The following SNAP91 variants were observed in gnomAD, a reference collection of about 807,000 sequenced individuals.
The protein encoded by SNAP91 is clathrin coat assembly protein AP180.
In SNAP91, 27 loss-of-function variants were observed where a neutral mutation model predicts 100.3. That is an observed-to-expected ratio of 0.27 (90% CI 0.20 to 0.37). SNAP91 has a LOEUF of 0.37. Ranked by LOEUF, SNAP91 falls within the 10% of genes least tolerant of loss-of-function variation. The pLI, the probability that SNAP91 is intolerant of heterozygous loss-of-function variation, is 1.00. For missense variants in SNAP91, 986 were observed against 1,123.7 expected, an observed-to-expected ratio of 0.88 and a Z score of 1.75; for synonymous variants, 404 against 398.6, an observed-to-expected ratio of 1.01 and a Z score of -0.16.
At chr6:83,574,907 A>C in intron 26 of SNAP91, 103 bp downstream of exon 26, 1 of 695,136 alleles carries the variant, frequency 1.4e-6, no homozygotes, top group Non-Finnish European at 2.5e-6. Flanking sequence ...ATGCAGAGGA[A>C]TAAGTACACC....
rs1283044172 is a variant in SNAP91 at position 83,615,725 on chromosome 6, C to G, written c.879-863G>C. On this transcript the variant is annotated intron_variant, in intron 10 of 29. Transcript: ENST00000369694. Reference sequence around the variant, plus strand: ...CTTATCACTGCAAATTTAAAACACGCAATAATTTCTACACTAACTTGAAAA... The same window carrying G: ...CTTATCACTGCAAATTTAAAACACGGAATAATTTCTACACTAACTTGAAAA... Among the ~76,000 whole-genome samples, 4 of 152,024 alleles carry G rather than the reference C, an allele frequency of 2.6e-5. No homozygotes were observed. In the East Asian group the frequency reaches 7.7e-4, roughly 29 times the overall value.
At chr6:83,582,440 A>C (rs1457710793) in intron 22 of SNAP91, 84 bp from the exon 23 acceptor site, 2 of 1,382,020 alleles carry the variant, frequency 1.4e-6, no homozygotes, top group Non-Finnish European at 1.9e-6. Context: ...AAGTTATAGA[A>C]AACTGAAAAG....
intron 11 of SNAP91, among the ~76,000 whole-genome samples, chr6:83,611,655 T>C (rs1340793278): frequency 6.6e-6 from 1 of 152,004 alleles, no homozygotes; most frequent in Non-Finnish European, 1.5e-5. Flanking sequence ...TTTTGTCTTA[T>C]TGGATATAGC....
Position 83,680,826 on chromosome 6 carries a change from T to TTA in SNAP91, c.131-15246_131-15245insTA, listed in dbSNP as rs1736526985. ...AGACAATCAAAAGCATGTCCAGACA[T>TTA]TGTTGTAGACTGTTGAGAACTGTTT... On this transcript the variant is annotated intron_variant, in intron 2 of 29. Transcript: ENST00000369694. Among the ~76,000 whole-genome samples the TTA allele has an allele frequency of 2.0e-5, 3 of 152,254 alleles. No individual in the cohort carries two copies. The South Asian group carries it at 6.2e-4, about 32-fold the overall frequency.
chr6:83,677,194 A>C (rs1404331491), intron 2 of SNAP91, among the ~76,000 whole-genome samples: 1 of 152,166 alleles, frequency 6.6e-6, no homozygotes, highest in Admixed American at 6.6e-5. Flanking sequence ...TTTGAGACAC[A>C]TCCAAAGGGA....
intron 2 of SNAP91, among the ~76,000 whole-genome samples, chr6:83,672,161 G>A (rs760490734): frequency 6.6e-6 from 1 of 151,870 alleles, no homozygotes; most frequent in Non-Finnish European, 1.5e-5. Context: ...ATACCTTTAC[G>A]TGCTATTCTC....
At chr6:83,638,699 T>G (rs1035055549) in intron 8 of SNAP91, among the ~76,000 whole-genome samples, 1 of 152,184 alleles carries the variant, frequency 6.6e-6, no homozygotes, top group Non-Finnish European at 1.5e-5. Context: ...AAATGGATAA[T>G]TGTGTTCAAA....
rs185891114 is a variant in SNAP91, at chr6:83,596,437, G to A, written c.1325-1956C>T. 2.0e-4 allele frequency among the ~76,000 whole-genome samples: 30 copies of A among 152,248 alleles called. 1 individual carries two copies. The highest frequency in any genetic ancestry group is 7.2e-4 in the African/African-American group (30 of 41,536). On this transcript the variant is annotated intron_variant, in intron 16 of 29. Coordinates refer to ENST00000369694, the MANE Select transcript of SNAP91 (RefSeq NM_001242792.2). ...GGGAGGGCTGTAAATATTTTGCCATGAGTCAGGTCAGTTGTTTTATTTTTT... is the reference window on the plus strand; with the variant it reads ...GGGAGGGCTGTAAATATTTTGCCATAAGTCAGGTCAGTTGTTTTATTTTTT...
At chr6:83,576,758 G>A (rs11756746) in intron 24 of SNAP91, among the ~76,000 whole-genome samples, 31,313 of 152,106 alleles carry the variant, frequency 0.21, 3,476 homozygotes, top group South Asian at 0.27. Context: ...TGAGTACAAC[G>A]ATGTGCTGAG....
chr6:83,576,377 T>C (rs190349025), intron 24 of SNAP91, among the ~76,000 whole-genome samples: 87 of 152,304 alleles, frequency 5.7e-4, no homozygotes, highest in African/African-American at 2.0e-3. Context: ...TATACTAGGA[T>C]AAAACTTGCC....
At position 83,552,912 on chromosome 6, in the gene SNAP91, T is replaced by C. The variant is rs1773277390; in HGVS notation, c.*1384A>G. On this transcript the variant is annotated 3_prime_UTR_variant, in exon 30 of 30. Transcript: ENST00000369694. ...TGCATTTCTTTGTTCAAGGTGTTTA[T>C]TGCATCTCAGAGGGCGTACATGCAC... 1 of 152,628 alleles carries C rather than the reference T, an allele frequency of 6.6e-6. No homozygotes were observed. Among genetic ancestry groups the C allele is most frequent in the Non-Finnish European group, 1.5e-5 (1 of 68,034 alleles). The allele number at this position is 152,628 out of a possible 1,614,324, so 9.5% of individuals were successfully genotyped here.
Position 83,577,716 on chromosome 6 carries a change from T to C in SNAP91, c.2300-1663A>G, listed in dbSNP as rs77098877. On this transcript the variant is annotated intron_variant, in intron 24 of 29. Transcript: ENST00000369694. ...AGCGTCAGCTAACACTGAAAAATGTTTTATAAAAACATTTTTCTTGAGATA... is the reference window on the plus strand; with the variant it reads ...AGCGTCAGCTAACACTGAAAAATGTCTTATAAAAACATTTTTCTTGAGATA... Among the ~76,000 whole-genome samples the C allele has an allele frequency of 3.1e-3, 466 of 152,284 alleles. 2 individuals carry two copies. Among genetic ancestry groups the C allele is most frequent in the African/African-American group, 0.011 (438 of 41,558 alleles).
intron 14 of SNAP91, among the ~76,000 whole-genome samples, chr6:83,604,141 T>C (rs1583317249): frequency 6.6e-6 from 1 of 152,298 alleles, no homozygotes; most frequent in East Asian, 1.9e-4. Flanking sequence ...GGGACTAGTT[T>C]ACAGTTTCAC....
intron 7 of SNAP91, among the ~76,000 whole-genome samples, chr6:83,652,679 C>T (rs2098257644): frequency 6.6e-6 from 1 of 152,132 alleles, no homozygotes; most frequent in East Asian, 1.9e-4. Flanking sequence ...TTCACTCACT[C>T]TTCTTTTGAT....
intron 11 of SNAP91, 115 bp from the exon 12 acceptor site, chr6:83,610,792 C>CACTTAAATCCAACTTA (rs1175032240): frequency 5.5e-4 from 117 of 213,664 alleles, no homozygotes; most frequent in African/African-American, 2.9e-3. Flanking sequence ...AGTTGGATTT[C>CACTTAAATCCAACTTA]ACTTGGTCAA....
At chr6:83,602,230 T>G (rs1425315357) in intron 14 of SNAP91, among the ~76,000 whole-genome samples, 2 of 152,204 alleles carry the variant, frequency 1.3e-5, no homozygotes, top group African/African-American at 4.8e-5. Flanking sequence ...AAATCTTACA[T>G]GCACAATTTA....
chr6:83,643,879 T>C (rs1433971807), intron 7 of SNAP91, among the ~76,000 whole-genome samples: 1 of 152,134 alleles, frequency 6.6e-6, no homozygotes, highest in Non-Finnish European at 1.5e-5. Flanking sequence ...AGACAGTCTT[T>C]TAAAAAATGA....
chr6:83,659,021 A>T lies in SNAP91; in HGVS notation c.524T>A (p.Ile175Asn). ...LKSMPILQGQ[I>N]DALLEFDVHP... Reference sequence around the variant, plus strand: ...TACATCAAATTCAAGCAGTGCATCAATTTGTCCCTGTAGTATTGGCATACT... The same window carrying T: ...TACATCAAATTCAAGCAGTGCATCATTTTGTCCCTGTAGTATTGGCATACT... Residue 175 changes from isoleucine (I) to asparagine (N), a missense_variant, in exon 6 of 30, where the codon ATT (isoleucine) becomes AAT (asparagine). Physicochemically the swap from Ile to Asn is moderately radical, Grantham distance 149. Transcript: ENST00000369694. The T allele has an allele frequency of 6.2e-7, 1 of 1,606,608 alleles. No individual in the cohort carries two copies. The highest frequency in any genetic ancestry group is 8.5e-7 in the Non-Finnish European group (1 of 1,176,344).
At position 83,554,102 on chromosome 6, in the gene SNAP91, G is replaced by A. The variant is rs900377532; in HGVS notation, c.*194C>T. 1.9e-5 allele frequency: 3 copies of A among 159,562 alleles called. No homozygotes were observed. The highest frequency in any genetic ancestry group is 7.2e-5 in the African/African-American group (3 of 41,528). The allele number at this position is 159,562 out of a possible 1,614,324, so 9.9% of individuals were successfully genotyped here. ...CAAATACACTACAATTTCAAGAGTA[G>A]GGATAACAGCTAAGGTAGTACATAT... On this transcript the variant is annotated 3_prime_UTR_variant, in exon 30 of 30. Coordinates refer to ENST00000369694, the MANE Select transcript of SNAP91 (RefSeq NM_001242792.2).
Sources: allele counts gnomAD v4.1 joint callset (sites outside exome capture counted in the v4.1 genomes callset), GRCh38; gene constraint gnomAD v4.1.1; transcripts MANE v1.5; gene names NCBI Gene and HGNC (gene_info 2026-07-23, HGNC 2026-07-21).